Variants in IGF2R observed in about 807,000 individuals in gnomAD.
IGF2R encodes the protein insulin like growth factor 2 receptor.
Under a neutral mutation model 270.6 loss-of-function variants are expected in IGF2R, and 91 were observed. The observed-to-expected ratio is 0.34, with a 90% confidence interval of 0.28 to 0.40. The LOEUF is 0.40. Ranked by LOEUF, IGF2R falls within the 10% of genes least tolerant of loss-of-function variation. The probability of loss-of-function intolerance (pLI) is 1.00; values close to 1 mark genes in which losing one functional copy is unlikely to be tolerated. For synonymous variants in IGF2R, 1,316 were observed against 1,258.9 expected (o/e 1.05, Z -0.96); for missense variants, 2,805 against 3,188.3 (o/e 0.88, Z 2.90).
At position 160,108,573 on chromosome 6, in the gene IGF2R, GCT is replaced by G. The variant is rs1474822160; in HGVS notation, c.*3496_*3497del. 1 of 152,240 alleles carries G rather than the reference GCT, an allele frequency of 6.6e-6. No homozygotes were observed. 9.4% of individuals were successfully genotyped at this position (152,240 alleles called of 1,614,324 possible). On this transcript the variant is annotated 3_prime_UTR_variant, in exon 48 of 48. Coordinates refer to ENST00000356956, the MANE Select transcript of IGF2R (RefSeq NM_000876.4). ...TGAGAAGCCTCAGACTGCCTGCGAGGCTCTCTCTGGGAGGAAGTCAGGTCTTT... is the reference window on the plus strand; with the variant it reads ...TGAGAAGCCTCAGACTGCCTGCGAGGCTCTCTGGGAGGAAGTCAGGTCTTT...
chr6:160,009,222 A>T (rs1784295091), intron 3 of IGF2R, 88 bp downstream of exon 3: 2 of 1,161,372 alleles, frequency 1.7e-6, no homozygotes, highest in Non-Finnish European at 2.4e-6. Context: ...TTCCAGGAAG[A>T]ATCAGTGAGC....
intron 2 of IGF2R, chr6:160,006,690 T>C (rs566768082): frequency 6.6e-6 from 1 of 152,360 alleles, no homozygotes; most frequent in African/African-American, 2.4e-5. Context: ...TTCAGGTGTA[T>C]ATGGGATTGG....
chr6:160,069,822 C>T (rs541824618), intron 30 of IGF2R, 46 bp from the exon 31 acceptor site: 60 of 1,578,486 alleles, frequency 3.8e-5, no homozygotes, highest in South Asian at 2.7e-4. Flanking sequence ...CTGTTCTAGC[C>T]TGGGGAGTCA....
At chr6:160,068,068 GTGTGTGTGTGTGTGT>G (rs1562365521) in intron 29 of IGF2R, among the ~76,000 whole-genome samples, 166 bp from the exon 30 acceptor site, 2 of 39,920 alleles carry the variant, frequency 5.0e-5, no homozygotes, top group Non-Finnish European at 1.2e-4. Flanking sequence ...GATGGGGGGT[GTGTGTGTGTGTGTGT>G]GTGTGTGTGT....
intron 6 of IGF2R, among the ~76,000 whole-genome samples, chr6:160,028,552 G>T (rs1777615916): frequency 6.6e-6 from 1 of 152,234 alleles, no homozygotes; most frequent in South Asian, 2.1e-4. Context: ...TGTGGGAAAA[G>T]GCAGGTCATC....
chr6:159,977,053 T>C (rs776016644), intron 1 of IGF2R, among the ~76,000 whole-genome samples: 1 of 152,230 alleles, frequency 6.6e-6, no homozygotes, highest in African/African-American at 2.4e-5. Flanking sequence ...AGTTCTCCCA[T>C]GGTTCAGATG....
In IGF2R at chr6:160,075,961, C is replaced by T; in HGVS notation, c.5281C>T (p.Leu1761Phe). Residue 1761 changes from leucine to phenylalanine, a missense_variant, in exon 36 of 48, where the codon CTC (leucine) becomes TTC (phenylalanine). Coordinates refer to ENST00000356956, the MANE Select transcript of IGF2R (RefSeq NM_000876.4). ...GGACAAGCATTTCAACTACACCTCG[C>T]TCATCGCGTTTCACTGTAAGAGAGG... ...LADKHFNYTS[L>F]IAFHCKRGVS... The T allele has an allele frequency of 1.2e-6, 2 of 1,614,212 alleles. No individual in the cohort carries two copies. The highest frequency in any genetic ancestry group is 1.7e-6 in the Non-Finnish European group (2 of 1,180,022).
At chr6:160,079,962 T>G (rs1778942039) in intron 38 of IGF2R, among the ~76,000 whole-genome samples, 167 bp from the exon 39 acceptor site, 1 of 152,190 alleles carries the variant, frequency 6.6e-6, no homozygotes, top group East Asian at 1.9e-4. Flanking sequence ...GGTGTGTGAA[T>G]CACGCTGTGT....
chr6:160,065,402 C>T (rs1407943177), intron 29 of IGF2R, among the ~76,000 whole-genome samples: 2 of 152,120 alleles, frequency 1.3e-5, no homozygotes, highest in African/African-American at 2.4e-5. Context: ...TGTTGACTTT[C>T]CTGGGGGAAA....
At chr6:160,066,276 A>G (rs938309245) in intron 29 of IGF2R, among the ~76,000 whole-genome samples, 5 of 151,668 alleles carry the variant, frequency 3.3e-5, no homozygotes, top group African/African-American at 9.7e-5. Context: ...TGGCCTCCCA[A>G]AGTGCTGGGA....
At chr6:160,093,278 C>G (rs1370999523) in intron 44 of IGF2R, 1 of 215,762 alleles carries the variant, frequency 4.6e-6, no homozygotes, top group African/African-American at 2.3e-5. Flanking sequence ...ATTGATCACT[C>G]AGGTACTGCA....
chr6:159,970,567 A>G (rs965485276), intron 1 of IGF2R, among the ~76,000 whole-genome samples: 2 of 152,162 alleles, frequency 1.3e-5, no homozygotes, highest in Non-Finnish European at 2.9e-5. Context: ...CTCTTTGGAA[A>G]GGCCCATATT....
At position 159,969,382 on chromosome 6, in the gene IGF2R, C is replaced by T; in HGVS notation, c.136C>T (p.Pro46Ser). Residue 46 changes from proline (P) to serine (S), a missense_variant, in exon 1 of 48, where the codon CCC becomes TCC. Transcript: ENST00000356956. ...GSTQAQAAPFPELCSYTWEAV... is the reference protein window; with the variant it reads ...GSTQAQAAPFSELCSYTWEAV... ...CACGCAGGCCCAGGCCGCCCCGTTCCCCGAGCTGTGCAGGTGGGTGGCCCG... is the reference window on the plus strand; with the variant it reads ...CACGCAGGCCCAGGCCGCCCCGTTCTCCGAGCTGTGCAGGTGGGTGGCCCG... 7.1e-6 allele frequency: 9 copies of T among 1,269,632 alleles called. No individual in the cohort carries two copies. Among genetic ancestry groups the T allele is most frequent in the Non-Finnish European group, 8.9e-6 (9 of 1,008,516 alleles). The allele number at this position is 1,269,632 out of a possible 1,614,324, so 78.6% of individuals were successfully genotyped here.
At chr6:159,969,903 T>A (rs1311003186) in intron 1 of IGF2R, among the ~76,000 whole-genome samples, 7 of 152,082 alleles carry the variant, frequency 4.6e-5, no homozygotes, top group Admixed American at 2.6e-4. Context: ...CATTTGCTGA[T>A]TGATTTCCCC....
At chr6:160,065,826 A>G (rs1264245970) in intron 29 of IGF2R, among the ~76,000 whole-genome samples, 8,292 of 87,250 alleles carry the variant, frequency 0.095, 354 homozygotes, top group East Asian at 0.17. Context: ...ATATATATAT[A>G]TATATATATA....
chr6:160,038,922 C>A (rs113593805), intron 10 of IGF2R, among the ~76,000 whole-genome samples: 8 of 152,078 alleles, frequency 5.3e-5, no homozygotes, highest in African/African-American at 1.9e-4. Context: ...GAGGGCAGAC[C>A]CTCAGGGTCT....
In IGF2R at chr6:160,056,699, C is replaced by T. The variant is rs530490930; in HGVS notation, c.2796+174C>T. 2.6e-5 allele frequency among the ~76,000 whole-genome samples: 4 copies of T among 152,328 alleles called. No homozygotes were observed. The South Asian group carries it at 8.3e-4, about 32-fold the overall frequency. On this transcript the variant is annotated intron_variant, in intron 20 of 47. Coordinates refer to ENST00000356956, the MANE Select transcript of IGF2R (RefSeq NM_000876.4). ...AGAGTTCCTCTCCACTCCGCAGCTC[C>T]CAGCTCCTGGGATAAGAACCAGGTC... is the stretch of plus-strand genomic sequence containing the variant.
chr6:159,997,526 G>A (rs1041219781), intron 2 of IGF2R, among the ~76,000 whole-genome samples: 2 of 152,180 alleles, frequency 1.3e-5, no homozygotes, highest in African/African-American at 4.8e-5. Context: ...GGGCAGAAAA[G>A]CTCTCCCACA....
intron 4 of IGF2R, among the ~76,000 whole-genome samples, chr6:160,022,168 A>G (rs536655837): frequency 2.0e-5 from 3 of 152,220 alleles, no homozygotes; most frequent in Admixed American, 6.5e-5. Context: ...ATTCTCACTT[A>G]TAAGTGGGAA....
Sources: gnomAD v4.1 joint callset for allele counts (sites outside exome capture counted in the v4.1 genomes callset) on GRCh38, gnomAD v4.1.1 for gene constraint, MANE v1.5 for transcripts, NCBI Gene and HGNC (gene_info 2026-07-23, HGNC 2026-07-21) for gene names.